Variants in SPAG16 observed in about 807,000 individuals in gnomAD.
SPAG16 encodes the protein sperm-associated antigen 16 protein.
A neutral mutation model predicts 80.4 loss-of-function variants in SPAG16; 86 were observed. The observed-to-expected ratio is 1.07, with a 90% CI of 0.90 to 1.28. SPAG16 has a LOEUF of 1.28. Ranked by LOEUF, SPAG16 falls within the 50% of genes most tolerant of loss-of-function variation. The pLI, the probability that SPAG16 is intolerant of heterozygous loss-of-function variation, is 0.00. For missense variants in SPAG16, 870 were observed against 765.3 expected (o/e 1.14, Z -1.61); for synonymous variants, 294 against 265.9 (o/e 1.11, Z -1.03).
chr2:213,612,797 C>G (rs1313853427), intron 10 of SPAG16, among the ~76,000 whole-genome samples: 1 of 152,082 alleles, frequency 6.6e-6, no homozygotes, highest in Non-Finnish European at 1.5e-5. Flanking sequence ...GATTCTCCTG[C>G]CTTAGCCTCC....
At chr2:213,598,991 A>G (rs1475592441) in intron 10 of SPAG16, among the ~76,000 whole-genome samples, 1 of 152,210 alleles carries the variant, frequency 6.6e-6, no homozygotes, top group Admixed American at 6.5e-5. Context: ...TAAATTGAGC[A>G]AATGTGTATA....
intron 15 of SPAG16, among the ~76,000 whole-genome samples, chr2:214,237,111 A>G (rs1354077538): frequency 6.6e-6 from 1 of 152,176 alleles, no homozygotes; most frequent in African/African-American, 2.4e-5. Context: ...CCTTTCAGGG[A>G]CAGCAATCAC....
intron 9 of SPAG16, among the ~76,000 whole-genome samples, chr2:213,451,205 A>T (rs2125574995): frequency 6.6e-6 from 1 of 152,334 alleles, no homozygotes; most frequent in South Asian, 2.1e-4. Context: ...ATTTCAGGAT[A>T]GTAAAGGGGC....
At chr2:213,321,148 AT>A (rs2063593347) in intron 5 of SPAG16, among the ~76,000 whole-genome samples, 2 of 152,026 alleles carry the variant, frequency 1.3e-5, no homozygotes, top group South Asian at 4.1e-4. Flanking sequence ...TCTAATAATA[AT>A]TTTTAATACA....
intron 9 of SPAG16, among the ~76,000 whole-genome samples, chr2:213,448,385 G>A (rs948092429): frequency 5.3e-5 from 8 of 152,190 alleles, no homozygotes; most frequent in Non-Finnish European, 1.0e-4. Context: ...CATTGTGCCT[G>A]GAGCTGATGC....
intron 13 of SPAG16, among the ~76,000 whole-genome samples, chr2:214,048,930 T>C (rs1359035616): frequency 6.8e-6 from 1 of 146,398 alleles, no homozygotes; most frequent in Non-Finnish European, 1.5e-5. Context: ...CTCCCTCCCT[T>C]CTTTCCTTTC....
rs560412655 is a variant in SPAG16 at position 213,699,956 on chromosome 2, G to C, written c.1071-162529G>C. On this transcript the variant is annotated intron_variant, in intron 10 of 15. Transcript: ENST00000331683. The stretch of plus-strand genomic sequence containing the variant: ...TTGTGTTTTCTCATTGGATATGGTG[G>C]CATTCCAGATGATTACAGTTGTTAG... Among the ~76,000 whole-genome samples, 138 of 152,282 alleles carry C rather than the reference G, an allele frequency of 9.1e-4. 1 individual carries two copies. Among genetic ancestry groups the C allele is most frequent in the African/African-American group, 3.2e-3 (133 of 41,562 alleles).
At chr2:213,503,640 T>A (rs2074843264) in intron 10 of SPAG16, among the ~76,000 whole-genome samples, 1 of 152,242 alleles carries the variant, frequency 6.6e-6, no homozygotes. Flanking sequence ...TACCAACTTT[T>A]CTTCTTTGGA....
chr2:213,726,418 C>A (rs911020082), intron 10 of SPAG16, among the ~76,000 whole-genome samples: 1 of 152,138 alleles, frequency 6.6e-6, no homozygotes, highest in African/African-American at 2.4e-5. Context: ...TGAACACCAC[C>A]ATTCCTATCC....
chr2:213,507,917 C>CAGCAGTTTT (rs1414577852), intron 10 of SPAG16, among the ~76,000 whole-genome samples: 2 of 152,320 alleles, frequency 1.3e-5, no homozygotes, highest in Non-Finnish European at 2.9e-5. Flanking sequence ...TGGTAAGAGA[C>CAGCAGTTTT]AGCAGTTTTA....
At chr2:213,447,112 G>T (rs1362429290) in intron 9 of SPAG16, among the ~76,000 whole-genome samples, 9 of 152,136 alleles carry the variant, frequency 5.9e-5, no homozygotes. Flanking sequence ...TGCCTCATAT[G>T]GTTTAGTAAT....
intron 15 of SPAG16, among the ~76,000 whole-genome samples, chr2:214,253,563 C>T (rs1690459272): frequency 6.6e-6 from 1 of 152,254 alleles, no homozygotes; most frequent in South Asian, 2.1e-4. Context: ...AATAGGGAAT[C>T]CTTTCCCCAT....
intron 9 of SPAG16, among the ~76,000 whole-genome samples, chr2:213,389,383 G>T (rs2067617126): frequency 6.6e-6 from 1 of 151,946 alleles, no homozygotes; most frequent in Non-Finnish European, 1.5e-5. Flanking sequence ...GACACAAAAG[G>T]CACAGGCAAC....
intron 14 of SPAG16, among the ~76,000 whole-genome samples, chr2:214,115,994 C>T (rs2053916676): frequency 6.6e-6 from 1 of 152,050 alleles, no homozygotes; most frequent in African/African-American, 2.4e-5. Flanking sequence ...GGCTGCAGAG[C>T]CCCAGTGGAG....
chr2:214,291,300 C>CTTT (rs56771172), intron 15 of SPAG16, among the ~76,000 whole-genome samples: 4,335 of 80,440 alleles, frequency 0.054, 750 homozygotes, highest in African/African-American at 0.074. Context: ...GATCATGTTT[C>CTTT]TTTTTTTTTT....
At chr2:214,390,226 ACTC>A (rs1396635877) in intron 15 of SPAG16, among the ~76,000 whole-genome samples, 4 of 150,950 alleles carry the variant, frequency 2.6e-5, no homozygotes, top group Non-Finnish European at 5.9e-5. Flanking sequence ...AGGTATTTGA[ACTC>A]CTCCAGAAAT....
At chr2:214,032,497 A>T (rs542121432) in intron 13 of SPAG16, among the ~76,000 whole-genome samples, 5 of 152,216 alleles carry the variant, frequency 3.3e-5, no homozygotes, top group Non-Finnish European at 7.3e-5. Flanking sequence ...TATTGAAGAC[A>T]TGTAACAATT....
At chr2:214,056,792 A>G (rs1416058060) in intron 13 of SPAG16, among the ~76,000 whole-genome samples, 2 of 152,212 alleles carry the variant, frequency 1.3e-5, no homozygotes, top group East Asian at 3.8e-4. Flanking sequence ...ATTGGAGTCA[A>G]TCCTCTCAAA....
intron 10 of SPAG16, among the ~76,000 whole-genome samples, chr2:213,777,545 A>G (rs1353042955): frequency 6.6e-6 from 1 of 151,948 alleles, no homozygotes; most frequent in Non-Finnish European, 1.5e-5. Context: ...CAGCTGGATT[A>G]CAGGCGCCCG....
Sources: gnomAD v4.1 joint callset for allele counts (sites outside exome capture counted in the v4.1 genomes callset) on GRCh38, gnomAD v4.1.1 for gene constraint, MANE v1.5 for transcripts, NCBI Gene and HGNC (gene_info 2026-07-23, HGNC 2026-07-21) for gene names.